The following DRICH1 variants were observed in gnomAD, a reference collection of about 807,000 sequenced individuals.
DRICH1 encodes aspartate rich 1, also known as aspartate-rich protein 1.
DRICH1 carries 38 observed loss-of-function variants against 39.5 expected under a neutral mutation model. The observed-to-expected ratio is 0.96, with a 90% CI of 0.74 to 1.26. The LOEUF (loss-of-function observed/expected upper bound fraction) is 1.26, where lower values mean the gene tolerates loss of function less well. DRICH1 is among the 50% of genes most tolerant of loss of function. The probability of loss-of-function intolerance (pLI) is 0.00; values close to 1 mark genes in which losing one functional copy is unlikely to be tolerated. For synonymous variants in DRICH1, 84 were observed against 99.5 expected, an observed-to-expected ratio of 0.84 and a Z score of 0.93; for missense variants, 279 against 270.4, an observed-to-expected ratio of 1.03 and a Z score of -0.22.
At chr22:23,616,977 A>C in intron 7 of DRICH1, 103 bp from the exon 8 acceptor site, 2 of 1,371,722 alleles carry the variant, frequency 1.5e-6, no homozygotes, top group Non-Finnish European at 2.1e-6. Context: ...ACTATTTGTA[A>C]GACAGTGGTA....
intron 1 of DRICH1, chr22:23,630,519 T>C (rs1928326104): frequency 1.3e-5 from 2 of 152,202 alleles, no homozygotes; most frequent in African/African-American, 2.4e-5. Flanking sequence ...CTGAAGTTTT[T>C]CTTCCTTTTT....
the DRICH1 span, among the ~76,000 whole-genome samples, chr22:23,588,469 G>C: frequency 2.6e-4 from 39 of 152,324 alleles, no homozygotes; most frequent in East Asian, 7.5e-3. Flanking sequence ...CGCTCAGTGG[G>C]AGGGTTCAGC....
the DRICH1 span, among the ~76,000 whole-genome samples, chr22:23,586,594 A>C: frequency 6.6e-6 from 1 of 152,156 alleles, no homozygotes; most frequent in Non-Finnish European, 1.5e-5. Context: ...CCCAGGCTGG[A>C]GTGCAATGGC....
downstream of DRICH1, among the ~76,000 whole-genome samples, chr22:23,606,073 G>T (rs1319933326): frequency 1.3e-4 from 19 of 148,124 alleles, no homozygotes; most frequent in Non-Finnish European, 2.2e-4. Flanking sequence ...TTTTTTTTTT[G>T]AGTGAGACCC....
rs1927669089 is a variant in DRICH1 at position 23,620,670 on chromosome 22, C to G, written c.385-55G>C. On this transcript the variant is annotated intron_variant, in intron 4 of 11. Transcript: ENST00000317749. Reference sequence around the variant, plus strand: ...GGATCAGATCAATTCTGCTGCACCCCTTACACAGATCTGTTATTCTCTTGA... The same window carrying G: ...GGATCAGATCAATTCTGCTGCACCCGTTACACAGATCTGTTATTCTCTTGA... 1.9e-6 allele frequency: 3 copies of G among 1,588,472 alleles called. No individual in the cohort carries two copies. The African/African-American group carries it at 4.0e-5, about 21-fold the overall frequency.
the DRICH1 span, among the ~76,000 whole-genome samples, chr22:23,598,072 G>T: frequency 6.6e-6 from 1 of 150,762 alleles, no homozygotes; most frequent in Non-Finnish European, 1.5e-5. Context: ...GGCCACCGGA[G>T]CTGGGAAGGT....
the DRICH1 span, chr22:23,581,655 AGTGCAGTGTGGC>A: frequency 1.4e-5 from 2 of 142,924 alleles, no homozygotes; most frequent in African/African-American, 5.4e-5. Flanking sequence ...GCCAGGCTGG[AGTGCAGTGTGGC>A]GTGATCTCAG....
intron 6 of DRICH1, among the ~76,000 whole-genome samples, chr22:23,618,110 A>ATTTTTTTTTT (rs1927480510): frequency 7.2e-6 from 1 of 139,238 alleles, no homozygotes; most frequent in African/African-American, 2.6e-5. Flanking sequence ...TTGATCACAC[A>ATTTTTTTTTT]TTCTTTTTTT....
intron 7 of DRICH1, among the ~76,000 whole-genome samples, 168 bp from the exon 8 acceptor site, chr22:23,617,042 A>C (rs1927397184): frequency 6.6e-6 from 1 of 152,218 alleles, no homozygotes; most frequent in African/African-American, 2.4e-5. Context: ...GGAAAAGACA[A>C]GAGCTTTTCC....
the DRICH1 span, among the ~76,000 whole-genome samples, chr22:23,586,590 CTGGAG>C: frequency 2.6e-5 from 4 of 152,188 alleles, no homozygotes; most frequent in Non-Finnish European, 5.9e-5. Flanking sequence ...GTCACCCAGG[CTGGAG>C]TGCAATGGCA....
At chr22:23,593,980 A>AAAAAAAAAAAAAAG in the DRICH1 span, among the ~76,000 whole-genome samples, 5 of 137,156 alleles carry the variant, frequency 3.6e-5, no homozygotes, top group Admixed American at 7.4e-5. Flanking sequence ...TCTGTCTCAA[A>AAAAAAAAAAAAAAG]AAAAAAAAAA....
chr22:23,600,949 G>A, the DRICH1 span, among the ~76,000 whole-genome samples: 1 of 152,112 alleles, frequency 6.6e-6, no homozygotes, highest in East Asian at 1.9e-4. Flanking sequence ...TGGGATTACA[G>A]GCGTGAGCCA....
downstream of DRICH1, among the ~76,000 whole-genome samples, chr22:23,604,214 G>A (rs114987516): frequency 0.022 from 3,388 of 152,174 alleles, 133 homozygotes; most frequent in African/African-American, 0.076. Flanking sequence ...CTCTGGGTCT[G>A]GGCCTGGCAC....
intron 5 of DRICH1, 123 bp from the exon 6 acceptor site, chr22:23,619,516 A>G: frequency 1.4e-6 from 1 of 706,776 alleles, no homozygotes; most frequent in East Asian, 2.7e-5. Flanking sequence ...GAAATCTACA[A>G]AAAACAGAGA....
chr22:23,624,368 C>T (rs748848607), intron 3 of DRICH1: 7 of 981,210 alleles, frequency 7.1e-6, no homozygotes, highest in Non-Finnish European at 8.5e-6. Flanking sequence ...ACACAGGATA[C>T]TCAATAGCCC....
In DRICH1 at chr22:23,632,039, C is replaced by G. The variant is rs1381946491; in HGVS notation, c.-16G>C. ...TATTCCCCATGGGGCCTCTCCATGCCTCTCCACTCCTGCCTCAGCCTTCAG... is the reference window on the plus strand; with the variant it reads ...TATTCCCCATGGGGCCTCTCCATGCGTCTCCACTCCTGCCTCAGCCTTCAG... On this transcript the variant is annotated 5_prime_UTR_variant, in exon 1 of 12. Coordinates refer to ENST00000317749, the MANE Select transcript of DRICH1 (RefSeq NM_016449.4). 1 of 1,611,734 alleles carries G rather than the reference C, an allele frequency of 6.2e-7. No individual in the cohort carries two copies. The highest frequency in any genetic ancestry group is 8.5e-7 in the Non-Finnish European group (1 of 1,179,366).
At chr22:23,594,481 A>G in the DRICH1 span, among the ~76,000 whole-genome samples, 15 of 152,314 alleles carry the variant, frequency 9.8e-5, no homozygotes, top group South Asian at 1.0e-3. Flanking sequence ...GAGGCAGGAG[A>G]ATTGCTTGAA....
intron 11 of DRICH1, among the ~76,000 whole-genome samples, chr22:23,609,971 C>T (rs1926947313): frequency 6.6e-6 from 1 of 152,162 alleles, no homozygotes; most frequent in African/African-American, 2.4e-5. Flanking sequence ...TCCTCCCTCC[C>T]TGCCCCTCAT....
chr22:23,591,262 C>G, the DRICH1 span, among the ~76,000 whole-genome samples: 1 of 152,190 alleles, frequency 6.6e-6, no homozygotes, highest in African/African-American at 2.4e-5. Flanking sequence ...CCTCCTCCCC[C>G]AGTTCAGCTT....
Sources: gnomAD v4.1 joint callset for allele counts (sites outside exome capture counted in the v4.1 genomes callset) on GRCh38, gnomAD v4.1.1 for gene constraint, MANE v1.5 for transcripts, NCBI Gene and HGNC (gene_info 2026-07-23, HGNC 2026-07-21) for gene names.